GREB1L: variants seen among roughly 807,000 people sequenced by gnomAD.
GREB1L encodes GREB1 like retinoic acid receptor coactivator.
A neutral mutation model predicts 200.8 loss-of-function variants in GREB1L; 17 were observed. That is an observed-to-expected ratio of 0.08 (90% CI 0.06 to 0.13). GREB1L has a LOEUF of 0.13. GREB1L is among the 10% of genes least tolerant of loss of function. The pLI, the probability that GREB1L is intolerant of heterozygous loss-of-function variation, is 1.00. For missense variants in GREB1L, 1,657 were observed against 2,367.7 expected (o/e 0.70, Z 6.23); for synonymous variants, 789 against 893.0 (o/e 0.88, Z 2.08).
chr18:21,345,692 G>A (rs1179873205), intron 1 of GREB1L, among the ~76,000 whole-genome samples: 1 of 151,948 alleles, frequency 6.6e-6, no homozygotes, highest in Non-Finnish European at 1.5e-5. Context: ...GGCCAACATG[G>A]TGAAACCCAT....
At chr18:21,318,105 CAAAAAA>C (rs61304976) in intron 1 of GREB1L, among the ~76,000 whole-genome samples, 1 of 89,668 alleles carries the variant, frequency 1.1e-5, no homozygotes, top group Non-Finnish European at 2.4e-5. Flanking sequence ...GAGATTCCGT[CAAAAAA>C]AAAAAAAAAA....
intron 10 of GREB1L, among the ~76,000 whole-genome samples, chr18:21,443,763 T>A (rs985573730): frequency 6.6e-6 from 1 of 152,198 alleles, no homozygotes; most frequent in Non-Finnish European, 1.5e-5. Flanking sequence ...AAGTCCCTCA[T>A]ATAAAATGGC....
intron 1 of GREB1L, among the ~76,000 whole-genome samples, chr18:21,346,811 T>C (rs2039352816): frequency 1.3e-5 from 2 of 152,300 alleles, no homozygotes; most frequent in Admixed American, 1.3e-4. Context: ...GTGGCTTCCA[T>C]CCTTGTTCTC....
At chr18:21,450,804 T>A in intron 12 of GREB1L, 1 of 443,582 alleles carries the variant, frequency 2.3e-6, no homozygotes, top group East Asian at 3.8e-5. Context: ...TTTGTTCCCC[T>A]GATCATCTGT....
Position 21,454,490 on chromosome 18 carries a change from A to G in GREB1L, c.2109A>G (p.Lys703=). The change falls in exon 15 of 33, where the codon AAA becomes AAG. Residue 703 remains lysine, a synonymous_variant. Coordinates refer to ENST00000424526, the MANE Select transcript of GREB1L (RefSeq NM_001142966.3). The part of the protein sequence containing the change: ...SQSLDLGHFS[K]VDFIIIVPRS... ...GCCTGGACCTCGGTCACTTCAGCAA[A>G]GTAGACTTCATCATCATTGTTCCCA... 6.4e-7 allele frequency: 1 copy of G among 1,551,696 alleles called. No homozygotes were observed. Among genetic ancestry groups the G allele is most frequent in the South Asian group, 1.2e-5 (1 of 84,056 alleles).
chr18:21,351,588 G>T (rs1361739174), intron 1 of GREB1L, among the ~76,000 whole-genome samples: 1 of 150,774 alleles, frequency 6.6e-6, no homozygotes, highest in Non-Finnish European at 1.5e-5. Flanking sequence ...AAAAAAAAAG[G>T]CACAGAGATG....
chr18:21,484,996 A>T (rs1458759211), intron 17 of GREB1L, among the ~76,000 whole-genome samples: 1 of 152,214 alleles, frequency 6.6e-6, no homozygotes, highest in Non-Finnish European at 1.5e-5. Flanking sequence ...TTTAAGGATA[A>T]GCAACTTGTC....
At chr18:21,473,903 G>A (rs1178383463) in intron 16 of GREB1L, among the ~76,000 whole-genome samples, 1 of 152,152 alleles carries the variant, frequency 6.6e-6, no homozygotes, top group African/African-American at 2.4e-5. Context: ...GGCAAAGAGA[G>A]AATGAGGAAG....
At chr18:21,404,020 T>G (rs1430533053) in intron 7 of GREB1L, 26 bp downstream of exon 7, 2 of 1,543,550 alleles carry the variant, frequency 1.3e-6, no homozygotes, top group Non-Finnish European at 1.8e-6. Flanking sequence ...TTTTGGCATT[T>G]CAAGCATCAC....
At chr18:21,387,410 C>T (rs1018567698) in intron 4 of GREB1L, 6 of 152,186 alleles carry the variant, frequency 3.9e-5, no homozygotes, top group African/African-American at 1.4e-4. Flanking sequence ...ATCATTTGCT[C>T]TGGTTTTAGA....
chr18:21,406,915 C>T (rs2030321392), intron 7 of GREB1L, among the ~76,000 whole-genome samples: 1 of 144,486 alleles, frequency 6.9e-6, no homozygotes, highest in Admixed American at 7.1e-5. Flanking sequence ...CACTGTGACA[C>T]CCATGCTGGA....
intron 1 of GREB1L, among the ~76,000 whole-genome samples, chr18:21,291,952 C>G (rs1056494928): frequency 2.6e-5 from 4 of 152,156 alleles, no homozygotes; most frequent in Non-Finnish European, 5.9e-5. Context: ...GTAGAGGATA[C>G]AGGATGGGCT....
At chr18:21,327,729 G>A (rs1176833122) in intron 1 of GREB1L, among the ~76,000 whole-genome samples, 2 of 151,062 alleles carry the variant, frequency 1.3e-5, no homozygotes, top group Non-Finnish European at 1.5e-5. Flanking sequence ...GGGAGGTGGG[G>A]GGCACGGAGT....
intron 7 of GREB1L, among the ~76,000 whole-genome samples, chr18:21,430,581 CTTTT>C (rs147151717): frequency 3.3e-5 from 2 of 60,212 alleles, no homozygotes; most frequent in Non-Finnish European, 6.2e-5. Flanking sequence ...GATTTGGGAT[CTTTT>C]TTTTTTTTTT....
chr18:21,248,056 G>T (rs566532556), intron 1 of GREB1L, among the ~76,000 whole-genome samples: 5 of 152,280 alleles, frequency 3.3e-5, no homozygotes, highest in Admixed American at 6.5e-5. Context: ...AATCATTTTT[G>T]CATGCTAACC....
chr18:21,439,395 C>T, intron 7 of GREB1L, 126 bp from the exon 8 acceptor site: 1 of 599,044 alleles, frequency 1.7e-6, no homozygotes, highest in Non-Finnish European at 3.0e-6. Context: ...TATAACTGGA[C>T]TGAGTCCTAT....
chr18:21,393,353 G>A (rs1258560554), intron 4 of GREB1L, among the ~76,000 whole-genome samples: 1 of 151,992 alleles, frequency 6.6e-6, no homozygotes, highest in Non-Finnish European at 1.5e-5. Context: ...CTGGAGTGCA[G>A]TGGTGCGATC....
At chr18:21,348,555 A>G (rs1286192853) in intron 1 of GREB1L, among the ~76,000 whole-genome samples, 1 of 152,004 alleles carries the variant, frequency 6.6e-6, no homozygotes, top group Non-Finnish European at 1.5e-5. Context: ...CAGGTGGATC[A>G]CTTGAGGTCA....
intron 15 of GREB1L, among the ~76,000 whole-genome samples, chr18:21,467,193 A>C (rs1370876185): frequency 1.3e-5 from 2 of 152,240 alleles, no homozygotes; most frequent in Non-Finnish European, 2.9e-5. Context: ...GAATACTAAT[A>C]ATTATTTCTT....
Sources: gnomAD v4.1 joint callset for allele counts (sites outside exome capture counted in the v4.1 genomes callset) on GRCh38, gnomAD v4.1.1 for gene constraint, MANE v1.5 for transcripts, NCBI Gene and HGNC (gene_info 2026-07-23, HGNC 2026-07-21) for gene names.